The following SOX5 variants were observed in gnomAD, a reference collection of about 807,000 sequenced individuals.
SOX5 encodes SRY-box transcription factor 5.
SOX5 carries 9 observed loss-of-function variants against 92.0 expected under a neutral mutation model. The observed-to-expected ratio is 0.10, with a 90% CI of 0.06 to 0.17. SOX5 has a LOEUF of 0.17. SOX5 is among the 10% of genes least tolerant of loss of function. The probability of loss-of-function intolerance (pLI) is 1.00; values close to 1 mark genes in which losing one functional copy is unlikely to be tolerated. For missense variants in SOX5, 642 were observed against 944.5 expected, an observed-to-expected ratio of 0.68 and a Z score of 4.20; for synonymous variants, 344 against 336.3, an observed-to-expected ratio of 1.02 and a Z score of -0.25.
intron 4 of SOX5, among the ~76,000 whole-genome samples, chr12:24,185,147 C>G (rs773812932): frequency 6.6e-6 from 1 of 152,150 alleles, no homozygotes; most frequent in Non-Finnish European, 1.5e-5. Context: ...ATGGGTCTAT[C>G]TATACCCTTA....
intron 1 of SOX5, among the ~76,000 whole-genome samples, chr12:24,424,198 A>G (rs745360825): frequency 6.6e-6 from 1 of 152,200 alleles, no homozygotes; most frequent in Non-Finnish European, 1.5e-5. Context: ...CACAGCTTTA[A>G]GAATAGATAA....
chr12:24,003,899 A>G (rs1259399515), intron 4 of SOX5, among the ~76,000 whole-genome samples: 1 of 152,070 alleles, frequency 6.6e-6, no homozygotes, highest in African/African-American at 2.4e-5. Flanking sequence ...TCAAAGAACA[A>G]TATAAAGCTA....
intron 1 of SOX5, among the ~76,000 whole-genome samples, chr12:24,402,720 T>G (rs909520532): frequency 1.3e-5 from 2 of 152,202 alleles, no homozygotes; most frequent in African/African-American, 2.4e-5. Flanking sequence ...GCCTGAGTTT[T>G]TAACTGGTTG....
chr12:24,344,179 G>T (rs1368674265), intron 2 of SOX5, among the ~76,000 whole-genome samples: 2 of 150,744 alleles, frequency 1.3e-5, no homozygotes, highest in African/African-American at 2.4e-5. Flanking sequence ...GCTACTGGAG[G>T]AGCTGAGGCA....
At chr12:24,493,017 C>T (rs1186837665) in intron 1 of SOX5, among the ~76,000 whole-genome samples, 1 of 152,120 alleles carries the variant, frequency 6.6e-6, no homozygotes, top group Non-Finnish European at 1.5e-5. Flanking sequence ...TACTCAAGCC[C>T]TTTATCTATT....
At chr12:23,719,998 A>G (rs1428709411) in intron 6 of SOX5, among the ~76,000 whole-genome samples, 4 of 152,096 alleles carry the variant, frequency 2.6e-5, no homozygotes, top group South Asian at 2.1e-4. Flanking sequence ...TTAAGTAACG[A>G]TGTGTTGATG....
intron 6 of SOX5, among the ~76,000 whole-genome samples, chr12:23,693,884 A>G (rs1301092936): frequency 6.6e-6 from 1 of 152,124 alleles, no homozygotes; most frequent in Non-Finnish European, 1.5e-5. Context: ...TTTCCATTCA[A>G]ACTTCAACCT....
At chr12:23,988,988 G>A (rs1950307146) in intron 4 of SOX5, among the ~76,000 whole-genome samples, 1 of 152,164 alleles carries the variant, frequency 6.6e-6, no homozygotes, top group African/African-American at 2.4e-5. Context: ...TAAAGGAATA[G>A]AAGATTGTAG....
At chr12:24,395,552 A>G (rs1039964961) in intron 1 of SOX5, among the ~76,000 whole-genome samples, 13 of 152,250 alleles carry the variant, frequency 8.5e-5, no homozygotes, top group African/African-American at 2.4e-4. Context: ...AATAATTCTA[A>G]TAGGACTAAG....
intron 1 of SOX5, among the ~76,000 whole-genome samples, chr12:23,933,682 G>A (rs1308186445): frequency 2.0e-5 from 3 of 151,654 alleles, no homozygotes; most frequent in East Asian, 1.9e-4. Flanking sequence ...GACAACTTGT[G>A]CTATGTTTAC....
At chr12:24,359,315 T>C (rs957359051) in intron 2 of SOX5, among the ~76,000 whole-genome samples, 1 of 152,204 alleles carries the variant, frequency 6.6e-6, no homozygotes, top group Non-Finnish European at 1.5e-5. Context: ...GGATTACTCA[T>C]GAAGTTAAGG....
chr12:24,152,196 A>C (rs1047906570), intron 4 of SOX5, among the ~76,000 whole-genome samples: 7 of 152,158 alleles, frequency 4.6e-5, no homozygotes, highest in Non-Finnish European at 8.8e-5. Context: ...GACATATGTC[A>C]TGGGTACAAC....
chr12:23,966,870 C>T (rs1441943162), intron 4 of SOX5, among the ~76,000 whole-genome samples: 1 of 152,104 alleles, frequency 6.6e-6, no homozygotes, highest in Admixed American at 6.5e-5. Context: ...TAAAAAGTAA[C>T]ACCAGCATAT....
At chr12:24,294,185 T>A (rs1259310739) in intron 2 of SOX5, among the ~76,000 whole-genome samples, 2 of 152,162 alleles carry the variant, frequency 1.3e-5, no homozygotes, top group Non-Finnish European at 2.9e-5. Context: ...AATGCTTAAA[T>A]GACCAGTGCT....
At chr12:24,259,627 G>A (rs751749010) in intron 3 of SOX5, among the ~76,000 whole-genome samples, 2 of 152,176 alleles carry the variant, frequency 1.3e-5, no homozygotes, top group Admixed American at 6.5e-5. Flanking sequence ...ATGACAAGCA[G>A]TTACAGGGAA....
intron 2 of SOX5, among the ~76,000 whole-genome samples, chr12:24,318,394 G>A (rs968019525): frequency 7.2e-5 from 11 of 151,994 alleles, no homozygotes; most frequent in Non-Finnish European, 2.9e-5. Flanking sequence ...TAGAGAAACG[G>A]CTGGAGGATT....
intron 2 of SOX5, among the ~76,000 whole-genome samples, chr12:24,295,653 T>G (rs988414280): frequency 6.6e-6 from 1 of 152,214 alleles, no homozygotes; most frequent in Admixed American, 6.5e-5. Flanking sequence ...AACTTCTGCC[T>G]CCCAGGTTCA....
intron 1 of SOX5, among the ~76,000 whole-genome samples, chr12:23,913,753 A>G (rs2097379281): frequency 1.3e-5 from 2 of 152,042 alleles, no homozygotes; most frequent in East Asian, 1.9e-4. Flanking sequence ...AAAAAAAAAA[A>G]AAAAAGAAAG....
chr12:24,197,041 G>T (rs1280963915), intron 4 of SOX5, among the ~76,000 whole-genome samples: 2 of 152,146 alleles, frequency 1.3e-5, no homozygotes, highest in East Asian at 1.9e-4. Flanking sequence ...GCTTCACCAG[G>T]CTTGAAGAGG....
Sources: allele counts gnomAD v4.1 joint callset (sites outside exome capture counted in the v4.1 genomes callset), GRCh38; gene constraint gnomAD v4.1.1; transcripts MANE v1.5; gene names NCBI Gene and HGNC (gene_info 2026-07-23, HGNC 2026-07-21).